LRMDA: variants seen among roughly 807,000 people sequenced by gnomAD.
LRMDA encodes leucine-rich melanocyte differentiation-associated protein.
LRMDA carries 18 observed loss-of-function variants against 29.8 expected under a neutral mutation model. The ratio of observed to expected loss-of-function variants is 0.60; its 90% CI spans 0.42 to 0.90. LRMDA has a LOEUF of 0.90. Among genes scored for constraint, LRMDA ranks in the 40% least tolerant of loss-of-function variants. The probability of loss-of-function intolerance (pLI) is 0.00; values close to 1 mark genes in which losing one functional copy is unlikely to be tolerated. For synonymous variants in LRMDA, 125 were observed against 109.4 expected (o/e 1.14, Z -0.89); for missense variants, 273 against 273.9 (o/e 1.00, Z 0.02).
chr10:76,118,650 A>T (rs17184356), intron 5 of LRMDA, among the ~76,000 whole-genome samples: 1 of 151,994 alleles, frequency 6.6e-6, no homozygotes. Context: ...GGAGAAGACC[A>T]TTCTGTGGCC....
chr10:76,520,358 CTTT>C (rs1843106253), intron 6 of LRMDA, among the ~76,000 whole-genome samples: 3 of 149,902 alleles, frequency 2.0e-5, no homozygotes, highest in Non-Finnish European at 3.0e-5. Flanking sequence ...ATTCTTTTTT[CTTT>C]TTTGCTCCTT....
chr10:75,844,189 AC>A (rs1844592571), intron 2 of LRMDA, among the ~76,000 whole-genome samples: 1 of 152,206 alleles, frequency 6.6e-6, no homozygotes, highest in Non-Finnish European at 1.5e-5. Flanking sequence ...ATCAAATTTC[AC>A]CAGTGCTTTT....
At chr10:75,733,383 G>T (rs143401808) in intron 2 of LRMDA, among the ~76,000 whole-genome samples, 1 of 152,292 alleles carries the variant, frequency 6.6e-6, no homozygotes, top group East Asian at 1.9e-4. Flanking sequence ...TAGGGAAGGA[G>T]TTCGTATGGT....
chr10:75,772,400 G>A (rs189163714), intron 2 of LRMDA, among the ~76,000 whole-genome samples: 1 of 152,292 alleles, frequency 6.6e-6, no homozygotes, highest in Non-Finnish European at 1.5e-5. Flanking sequence ...GCATTTCTCT[G>A]TCACTTCAGT....
Position 76,531,855 on chromosome 10 carries a change from A to G in LRMDA, c.602-25354A>G, listed in dbSNP as rs184473013. ...CTGGAAAAGTGTGTGTAGAATTGCT[A>G]TCATTCTTTATTAAGTCATTGGTTA... On this transcript the variant is annotated intron_variant, in intron 6 of 6. Coordinates refer to ENST00000611255, the MANE Select transcript of LRMDA (RefSeq NM_001305581.2). Among the ~76,000 whole-genome samples, 263 of 152,222 alleles carry G rather than the reference A, an allele frequency of 1.7e-3. 1 individual carries two copies. The highest frequency in any genetic ancestry group is 6.0e-3 in the African/African-American group (249 of 41,534).
intron 2 of LRMDA, among the ~76,000 whole-genome samples, chr10:75,863,820 C>T (rs958685277): frequency 6.6e-6 from 1 of 152,192 alleles, no homozygotes; most frequent in Non-Finnish European, 1.5e-5. Flanking sequence ...TTAGAATGTG[C>T]TTGGGTATCC....
At chr10:76,512,620 T>G (rs1843020188) in intron 6 of LRMDA, among the ~76,000 whole-genome samples, 1 of 152,100 alleles carries the variant, frequency 6.6e-6, no homozygotes, top group Non-Finnish European at 1.5e-5. Flanking sequence ...AATGATAAAA[T>G]TTTTAGAAGA....
intron 6 of LRMDA, among the ~76,000 whole-genome samples, chr10:76,365,085 C>CACAT (rs1272382582): frequency 5.7e-5 from 4 of 69,768 alleles, no homozygotes; most frequent in South Asian, 8.1e-4. Flanking sequence ...CACACACACA[C>CACAT]ATATATATAT....
chr10:75,520,047 C>T (rs571386898), intron 2 of LRMDA, among the ~76,000 whole-genome samples: 79 of 152,252 alleles, frequency 5.2e-4, no homozygotes, highest in Middle Eastern at 6.8e-3. Context: ...CTGAGAGATC[C>T]ACTGTTAGTC....
Position 76,150,663 on chromosome 10 carries a change from C to A in LRMDA, c.516+91880C>A, listed in dbSNP as rs142915337. Reference sequence around the variant, plus strand: ...CTGTCTCAGTTTGTGGGCAGTCGATCGAGCCTTGGGCCTTTGTCTTTGTTC... The same window carrying A: ...CTGTCTCAGTTTGTGGGCAGTCGATAGAGCCTTGGGCCTTTGTCTTTGTTC... On this transcript the variant is annotated intron_variant, in intron 5 of 6. Transcript: ENST00000611255. Among the ~76,000 whole-genome samples, 143 of 152,266 alleles carry A rather than the reference C, an allele frequency of 9.4e-4. 1 individual carries two copies. The highest frequency in any genetic ancestry group is 3.4e-3 in the Middle Eastern group (1 of 294).
chr10:76,064,637 C>T (rs1003401185), intron 5 of LRMDA, among the ~76,000 whole-genome samples: 1 of 152,194 alleles, frequency 6.6e-6, no homozygotes, highest in Non-Finnish European at 1.5e-5. Context: ...TCTTCTGTTA[C>T]TCCTATGTAG....
chr10:75,746,389 G>A (rs189611567), intron 2 of LRMDA, among the ~76,000 whole-genome samples: 14 of 152,244 alleles, frequency 9.2e-5, no homozygotes, highest in Admixed American at 2.6e-4. Flanking sequence ...AATTGTTTTC[G>A]TTCAAACTAC....
intron 2 of LRMDA, among the ~76,000 whole-genome samples, chr10:75,852,598 C>T (rs763774522): frequency 3.3e-5 from 5 of 151,766 alleles, no homozygotes; most frequent in Non-Finnish European, 7.4e-5. Context: ...AAATTTGGTC[C>T]AGCTTTGAGA....
chr10:76,378,986 A>T (rs1206754496), intron 6 of LRMDA, among the ~76,000 whole-genome samples: 1 of 149,848 alleles, frequency 6.7e-6, no homozygotes, highest in Non-Finnish European at 1.5e-5. Flanking sequence ...TCTCCCGGGT[A>T]GCTGGTATTA....
chr10:76,103,625 C>T (rs1355297336), intron 5 of LRMDA, among the ~76,000 whole-genome samples: 1 of 152,156 alleles, frequency 6.6e-6, no homozygotes, highest in Non-Finnish European at 1.5e-5. Context: ...AAATTCAAGC[C>T]TTTTTCCCAG....
At chr10:76,195,346 A>T (rs547203037) in intron 5 of LRMDA, among the ~76,000 whole-genome samples, 2 of 152,292 alleles carry the variant, frequency 1.3e-5, no homozygotes, top group South Asian at 4.1e-4. Context: ...TAAAGTAGCG[A>T]CCAGGGCATT....
In LRMDA at chr10:75,718,849, G is replaced by A. The variant is rs113999066; in HGVS notation, c.131+280355G>A. ...CTTGGTTACTATAGTCATATTAACC[G>A]TCATGTTAATGAGTGGTTGTTGTAG... is the stretch of plus-strand genomic sequence containing the variant. On this transcript the variant is annotated intron_variant, in intron 2 of 6. Coordinates refer to ENST00000611255, the MANE Select transcript of LRMDA (RefSeq NM_001305581.2). Among the ~76,000 whole-genome samples the A allele has an allele frequency of 1.4e-3, 219 of 152,286 alleles. 2 individuals are homozygous for A. The highest frequency in any genetic ancestry group is 5.1e-3 in the African/African-American group (211 of 41,566).
At chr10:76,467,806 T>C (rs1842578910) in intron 6 of LRMDA, among the ~76,000 whole-genome samples, 1 of 152,226 alleles carries the variant, frequency 6.6e-6, no homozygotes, top group African/African-American at 2.4e-5. Flanking sequence ...ATATTTGGCA[T>C]GCCAGCTTGG....
rs1330482277 is a variant in LRMDA at position 76,271,145 on chromosome 10, C to T, written c.517-53256C>T. 3.9e-5 allele frequency among the ~76,000 whole-genome samples: 6 copies of T among 152,294 alleles called. No homozygotes were observed. The South Asian group carries it at 6.2e-4, about 16-fold the overall frequency. On this transcript the variant is annotated intron_variant, in intron 5 of 6. Coordinates refer to ENST00000611255, the MANE Select transcript of LRMDA (RefSeq NM_001305581.2). ...ATTCCTACCTTGGCTAGGCGGCTCA[C>T]GCCTGTAATCCCAGTACTTTGGGAG...
Sources: gnomAD v4.1 joint callset for allele counts (sites outside exome capture counted in the v4.1 genomes callset) on GRCh38, gnomAD v4.1.1 for gene constraint, MANE v1.5 for transcripts, NCBI Gene and HGNC (gene_info 2026-07-23, HGNC 2026-07-21) for gene names.